CACNA2D4: variants seen among roughly 807,000 people sequenced by gnomAD.
CACNA2D4 encodes calcium voltage-gated channel auxiliary subunit alpha2delta 4, also known as voltage-dependent calcium channel subunit alpha-2/delta-4.
A neutral mutation model predicts 163.8 loss-of-function variants in CACNA2D4; 157 were observed. The ratio of observed to expected loss-of-function variants is 0.96; its 90% CI spans 0.84 to 1.09. CACNA2D4 has a LOEUF of 1.09. Ranked by LOEUF, CACNA2D4 falls within the 50% of genes least tolerant of loss-of-function variation. The probability of loss-of-function intolerance (pLI) is 0.00; values close to 1 mark genes in which losing one functional copy is unlikely to be tolerated. For synonymous variants in CACNA2D4, 598 were observed against 586.9 expected (o/e 1.02, Z -0.27); for missense variants, 1,410 against 1,479.9 (o/e 0.95, Z 0.78).
chr12:1,896,984 G>T (rs1229114579), intron 6 of CACNA2D4, among the ~76,000 whole-genome samples: 2 of 152,186 alleles, frequency 1.3e-5, no homozygotes, highest in South Asian at 2.1e-4. Flanking sequence ...AATGCCATTT[G>T]CAGCAACATG....
intron 18 of CACNA2D4, among the ~76,000 whole-genome samples, chr12:1,862,664 C>T (rs769553267): frequency 2.0e-5 from 3 of 152,178 alleles, no homozygotes; most frequent in Non-Finnish European, 2.9e-5. Context: ...CTGCTTACCT[C>T]GGCCTCCCGA....
chr12:1,910,996 G>T (rs1001247642), intron 3 of CACNA2D4, among the ~76,000 whole-genome samples: 1 of 150,286 alleles, frequency 6.7e-6, no homozygotes, highest in Non-Finnish European at 1.5e-5. Context: ...TCAACTTTAT[G>T]TCACCTGTAT....
chr12:1,792,749 A>G lies in CACNA2D4; in HGVS notation c.*906T>C, dbSNP rs1350049698. ...AGTTGGAATGTTCCCACAAGTTCCAACCCTAAGGATTTCACTCCAGGGACA... is the reference window on the plus strand; with the variant it reads ...AGTTGGAATGTTCCCACAAGTTCCAGCCCTAAGGATTTCACTCCAGGGACA... On this transcript the variant is annotated 3_prime_UTR_variant, in exon 38 of 38. Coordinates refer to ENST00000382722, the MANE Select transcript of CACNA2D4 (RefSeq NM_172364.5). 2 of 151,436 alleles carry G rather than the reference A, an allele frequency of 1.3e-5. No individual in the cohort carries two copies. The highest frequency in any genetic ancestry group is 2.9e-5 in the Non-Finnish European group (2 of 67,866). The allele number at this position is 151,436 out of a possible 1,614,324, so 9.4% of individuals were successfully genotyped here.
chr12:1,881,430 G>A (rs569243391), intron 13 of CACNA2D4, among the ~76,000 whole-genome samples: 1 of 152,342 alleles, frequency 6.6e-6, no homozygotes, highest in South Asian at 2.1e-4. Flanking sequence ...TTCTCTCATC[G>A]GATTTCATGG....
intron 23 of CACNA2D4, among the ~76,000 whole-genome samples, chr12:1,847,225 T>C (rs1049174556): frequency 1.3e-5 from 2 of 152,236 alleles, no homozygotes; most frequent in Non-Finnish European, 2.9e-5. Context: ...CATGAGCTAG[T>C]TGGCGTCACA....
At chr12:1,841,373 A>G (rs569289762) in intron 25 of CACNA2D4, among the ~76,000 whole-genome samples, 54 of 152,234 alleles carry the variant, frequency 3.5e-4, no homozygotes, top group African/African-American at 1.3e-3. Context: ...CTGTTGCTCC[A>G]CTTCTGGGAC....
At position 1,875,256 on chromosome 12, in the gene CACNA2D4, C is replaced by G. The variant is rs992098620; in HGVS notation, c.1801G>C (p.Glu601Gln). Residue 601 changes from glutamate (E) to glutamine (Q), a missense_variant, in exon 17 of 38, where the codon GAA becomes CAA. Transcript: ENST00000382722. The surrounding 1 kb of genome is among the most constrained non-coding windows in gnomAD (Gnocchi z 4.0). ...CCCCTATTTTCCCCACTCACAGATT[C>G]AGCCTGGTCTTCCCACTCCACTTCG... ...LSEVEWEDQA[E>Q]SLRTAMINRE... The G allele has an allele frequency of 5.6e-6, 9 of 1,611,812 alleles. No individual in the cohort carries two copies. The highest frequency in any genetic ancestry group is 1.1e-5 in the South Asian group (1 of 91,030).
At chr12:1,889,773 T>TA (rs1164177502) in intron 6 of CACNA2D4, among the ~76,000 whole-genome samples, 1 of 151,780 alleles carries the variant, frequency 6.6e-6, no homozygotes, top group Non-Finnish European at 1.5e-5. Flanking sequence ...GTTAAGTATT[T>TA]AAAAAGGAAA....
chr12:1,906,389 G>A lies in CACNA2D4; in HGVS notation c.781+1051C>T, dbSNP rs74933938. 8.5e-3 allele frequency among the ~76,000 whole-genome samples: 1,295 copies of A among 152,292 alleles called. 24 individuals are homozygous for A. Among genetic ancestry groups the A allele is most frequent in the African/African-American group, 0.03 (1,235 of 41,560 alleles). ...GAACAGAGTAAAAAGGCAGCCCACA[G>A]AATGGGAGAAATTATTTGCAAATCA... On this transcript the variant is annotated intron_variant, in intron 6 of 37. Coordinates refer to ENST00000382722, the MANE Select transcript of CACNA2D4 (RefSeq NM_172364.5).
At chr12:1,851,531 C>T (rs1479354160) in intron 23 of CACNA2D4, among the ~76,000 whole-genome samples, 1 of 152,104 alleles carries the variant, frequency 6.6e-6, no homozygotes, top group Non-Finnish European at 1.5e-5. Context: ...TTTTGGGTTC[C>T]TGTGGTCTGC....
intron 36 of CACNA2D4, 134 bp downstream of exon 36, chr12:1,795,534 A>C: frequency 1.1e-6 from 1 of 934,260 alleles, no homozygotes. Flanking sequence ...GAAGGGTTAG[A>C]GAACAAATAA....
chr12:1,801,011 G>A (rs745672543), intron 31 of CACNA2D4, 32 bp downstream of exon 31: 11 of 1,601,108 alleles, frequency 6.9e-6, no homozygotes, highest in Non-Finnish European at 9.4e-6. Context: ...TGGCTGGCTG[G>A]CTGGCAGAGG....
In CACNA2D4 at chr12:1,848,783, T is replaced by TA. The variant is rs60110671; in HGVS notation, c.2247-2095_2247-2094insT. On this transcript the variant is annotated intron_variant, in intron 23 of 37. Coordinates refer to ENST00000382722, the MANE Select transcript of CACNA2D4 (RefSeq NM_172364.5). Reference sequence around the variant, plus strand: ...TTGCAATTATTATTATTATTATTATTTTTATTTAAAGACAGGTTCTCACTA... The same window carrying TA: ...TTGCAATTATTATTATTATTATTATTATTTATTTAAAGACAGGTTCTCACTA... Among the ~76,000 whole-genome samples, 225 of 150,952 alleles carry TA rather than the reference T, an allele frequency of 1.5e-3. 2 individuals are homozygous for TA. Among genetic ancestry groups the TA allele is most frequent in the South Asian group, 7.1e-3 (34 of 4,786 alleles).
intron 26 of CACNA2D4, among the ~76,000 whole-genome samples, chr12:1,824,794 T>C (rs1864248565): frequency 6.6e-6 from 1 of 152,140 alleles, no homozygotes; most frequent in Admixed American, 6.5e-5. Flanking sequence ...GGCGTGTTGG[T>C]AGGCAGAGGC....
At chr12:1,801,446 T>C (rs1182935385) in intron 30 of CACNA2D4, 128 bp downstream of exon 30, 3 of 802,882 alleles carry the variant, frequency 3.7e-6, no homozygotes, top group African/African-American at 3.4e-5. Context: ...AAGGTTGCTT[T>C]TGCAGCTCTT....
In CACNA2D4 at chr12:1,883,446, G is replaced by T. The variant is rs1866054416; in HGVS notation, c.1352-446C>A. 2.0e-5 allele frequency among the ~76,000 whole-genome samples: 3 copies of T among 152,300 alleles called. No individual in the cohort carries two copies. The South Asian group carries it at 6.2e-4, about 32-fold the overall frequency. ...TCCGCTCCTCCTTCCTCTGGTCCTTGTTCTTGCTCAGGTTGTGGGGTGGGT... is the reference window on the plus strand; with the variant it reads ...TCCGCTCCTCCTTCCTCTGGTCCTTTTTCTTGCTCAGGTTGTGGGGTGGGT... On this transcript the variant is annotated intron_variant, in intron 12 of 37. Transcript: ENST00000382722. The surrounding 1 kb of genome is among the most constrained non-coding windows in gnomAD (Gnocchi z 4.5).
intron 37 of CACNA2D4, chr12:1,795,085 C>T (rs1332167250): frequency 5.1e-6 from 3 of 587,856 alleles, no homozygotes; most frequent in Non-Finnish European, 9.1e-6. Context: ...GTTTTAGGAG[C>T]TTGCCAGGAA....
At chr12:1,903,775 T>G (rs979516339) in intron 6 of CACNA2D4, among the ~76,000 whole-genome samples, 11 of 152,034 alleles carry the variant, frequency 7.2e-5, no homozygotes, top group African/African-American at 2.4e-4. Flanking sequence ...TTGATAATAA[T>G]GTAAATTAGT....
Position 1,810,354 on chromosome 12 carries a change from C to G in CACNA2D4, c.2659-14G>C. 1 of 1,613,240 alleles carries G rather than the reference C, an allele frequency of 6.2e-7. No homozygotes were observed. The highest frequency in any genetic ancestry group is 8.5e-7 in the Non-Finnish European group (1 of 1,179,352). On this transcript the variant is annotated splice_polypyrimidine_tract_variant and intron_variant, in intron 28 of 37. Coordinates refer to ENST00000382722, the MANE Select transcript of CACNA2D4 (RefSeq NM_172364.5). Reference sequence around the variant, plus strand: ...GCAGTCCAGATCCTGGGAGGAAACCCAGAAGGGAGGTTATGCCAGGGCCCT... The same window carrying G: ...GCAGTCCAGATCCTGGGAGGAAACCGAGAAGGGAGGTTATGCCAGGGCCCT...
Sources: allele counts gnomAD v4.1 joint callset (sites outside exome capture counted in the v4.1 genomes callset), GRCh38; gene constraint gnomAD v4.1.1; non-coding constraint Gnocchi (gnomAD v3.1); transcripts MANE v1.5; gene names NCBI Gene and HGNC (gene_info 2026-07-23, HGNC 2026-07-21).